SHOC1: variants seen among roughly 807,000 people sequenced by gnomAD.
The protein encoded by SHOC1 is protein shortage in chiasmata 1 ortholog.
A neutral mutation model predicts 179.2 loss-of-function variants in SHOC1; 136 were observed. The observed-to-expected ratio is 0.76, with a 90% confidence interval of 0.66 to 0.87. SHOC1 has a LOEUF of 0.87. Ranked by LOEUF, SHOC1 falls within the 40% of genes least tolerant of loss-of-function variation. SHOC1 has a pLI of 0.00. For synonymous variants in SHOC1, 489 were observed against 586.6 expected (o/e 0.83, Z 2.41); for missense variants, 1,538 against 1,700.8 (o/e 0.90, Z 1.68).
chr9:111,790,005 A>T (rs935969381), intron 2 of SHOC1, among the ~76,000 whole-genome samples: 1 of 152,170 alleles, frequency 6.6e-6, no homozygotes, highest in Non-Finnish European at 1.5e-5. Context: ...CAAAGAAAAA[A>T]ATTTAACTTG....
In SHOC1 at chr9:111,693,870, G is replaced by A. The variant is rs1422849366; in HGVS notation, c.3394C>T (p.His1132Tyr). The A allele has an allele frequency of 1.2e-6, 2 of 1,610,400 alleles. No individual in the cohort carries two copies. The change falls in exon 26 of 28, where the codon CAT becomes TAT. Residue 1132 changes from histidine (H) to tyrosine (Y), a missense_variant. His to Tyr is a moderately conservative substitution (Grantham distance 83). Coordinates refer to ENST00000682961, the MANE Select transcript of SHOC1 (RefSeq NM_001378211.1). ...QLMLNKGPSL[H>Y]WILLATLCQL... Reference sequence around the variant, plus strand: ...CACAGAGTTGCTAATAATATCCAATGCAGTGAAGGTCCTTTATTTAGCATG... The same window carrying A: ...CACAGAGTTGCTAATAATATCCAATACAGTGAAGGTCCTTTATTTAGCATG...
At chr9:111,779,366 G>T (rs966223407) in intron 4 of SHOC1, among the ~76,000 whole-genome samples, 10 of 152,124 alleles carry the variant, frequency 6.6e-5, no homozygotes, top group African/African-American at 2.2e-4. Flanking sequence ...CAGTCCAAAG[G>T]CCTACTTTGA....
intron 10 of SHOC1, among the ~76,000 whole-genome samples, chr9:111,744,211 T>C (rs1834161978): frequency 6.6e-6 from 1 of 152,162 alleles, no homozygotes; most frequent in Admixed American, 6.5e-5. Flanking sequence ...GTGTATGGAC[T>C]AAATAAAAGA....
intron 27 of SHOC1, among the ~76,000 whole-genome samples, chr9:111,688,487 T>C (rs917202889): frequency 2.6e-5 from 4 of 152,144 alleles, no homozygotes; most frequent in Admixed American, 1.3e-4. Flanking sequence ...CATTCACAGA[T>C]GAAAACAGTT....
intron 1 of SHOC1, among the ~76,000 whole-genome samples, chr9:111,794,284 A>T (rs1466833493): frequency 8.7e-6 from 1 of 114,488 alleles, no homozygotes; most frequent in East Asian, 2.4e-4. Context: ...CACTTAAAAA[A>T]AAAAAAATAA....
At chr9:111,781,804 G>C (rs1836068210) in intron 3 of SHOC1, among the ~76,000 whole-genome samples, 3 of 151,162 alleles carry the variant, frequency 2.0e-5, no homozygotes, top group Admixed American at 2.0e-4. Flanking sequence ...GTTCCTTAAG[G>C]AGAAAGACCA....
intron 17 of SHOC1, among the ~76,000 whole-genome samples, chr9:111,713,385 T>C (rs1388774897): frequency 6.6e-6 from 1 of 152,222 alleles, no homozygotes; most frequent in African/African-American, 2.4e-5. Context: ...TATTTTGGGA[T>C]AGGGCATTCT....
intron 1 of SHOC1, among the ~76,000 whole-genome samples, chr9:111,794,032 A>C (rs1836539225): frequency 6.6e-6 from 1 of 151,480 alleles, no homozygotes; most frequent in African/African-American, 2.4e-5. Flanking sequence ...TTGTATTTTT[A>C]ATAGAGACGG....
At chr9:111,720,847 A>T (rs1383935034) in intron 15 of SHOC1, among the ~76,000 whole-genome samples, 1 of 152,240 alleles carries the variant, frequency 6.6e-6, no homozygotes, top group African/African-American at 2.4e-5. Flanking sequence ...GAAAACAGTA[A>T]TAAGAAGTGT....
At chr9:111,775,195 A>G (rs1038175030) in intron 5 of SHOC1, among the ~76,000 whole-genome samples, 1 of 152,052 alleles carries the variant, frequency 6.6e-6, no homozygotes, top group African/African-American at 2.4e-5. Context: ...GGGTTTCACC[A>G]TGTTGGCCAA....
At chr9:111,717,050 T>G (rs929957798) in intron 16 of SHOC1, among the ~76,000 whole-genome samples, 2 of 152,210 alleles carry the variant, frequency 1.3e-5, no homozygotes, top group Admixed American at 1.3e-4. Flanking sequence ...TTATTACTCA[T>G]GATATTAAAA....
chr9:111,741,564 C>A lies in SHOC1; in HGVS notation c.1086G>T (p.Leu362Phe), dbSNP rs146323796. The A allele has an allele frequency of 6.9e-6, 11 of 1,584,224 alleles. No homozygotes were observed. The African/African-American group carries it at 1.1e-4, about 16-fold the overall frequency. Residue 362 changes from leucine to phenylalanine, a missense_variant, in exon 11 of 28, where the codon TTG (leucine) becomes TTT (phenylalanine). Transcript: ENST00000682961. ...CATTAGCTGATTCTTCAGCAGTAAG[C>A]AAATTACTGAAAAAAAGAGTTAAAG... is the stretch of plus-strand genomic sequence containing the variant. ...FPLSPVCKIN[L>F]LTAEESANEY...
intron 18 of SHOC1, 145 bp downstream of exon 18, chr9:111,712,955 T>C (rs1049787504): frequency 3.5e-5 from 20 of 569,260 alleles, no homozygotes; most frequent in Non-Finnish European, 6.2e-5. Flanking sequence ...TAAAAGCTGG[T>C]TAGATCCCAA....
chr9:111,707,752 T>C, intron 19 of SHOC1, 103 bp downstream of exon 19: 2 of 771,150 alleles, frequency 2.6e-6, no homozygotes, highest in South Asian at 3.3e-5. Flanking sequence ...CATTGCTTAA[T>C]TTCAGATTTT....
chr9:111,773,458 G>A (rs1374437112), intron 5 of SHOC1, among the ~76,000 whole-genome samples: 6 of 151,908 alleles, frequency 3.9e-5, no homozygotes, highest in Admixed American at 3.9e-4. Context: ...GATTACAGGT[G>A]CCTGCCACTA....
intron 8 of SHOC1, among the ~76,000 whole-genome samples, chr9:111,750,294 G>GT (rs201170254): frequency 0.026 from 3,889 of 150,836 alleles, 75 homozygotes; most frequent in Middle Eastern, 0.041. Context: ...GGATGTTAAG[G>GT]TTTTTTTTTC....
At position 111,738,377 on chromosome 9, in the gene SHOC1, T is replaced by C; in HGVS notation, c.1320A>G (p.Thr440=). The C allele has an allele frequency of 6.2e-7, 1 of 1,613,508 alleles. No individual in the cohort carries two copies. Among genetic ancestry groups the C allele is most frequent in the Non-Finnish European group, 8.5e-7 (1 of 1,179,800 alleles). Residue 440 remains threonine (T), a synonymous_variant, in exon 12 of 28, where the codon ACA becomes ACG. Coordinates refer to ENST00000682961, the MANE Select transcript of SHOC1 (RefSeq NM_001378211.1). Reference sequence around the variant, plus strand: ...ATAAATATGTATTCAGATGTTCCAATGTTTCCATCATTTTCAGATTTAGTC... The same window carrying C: ...ATAAATATGTATTCAGATGTTCCAACGTTTCCATCATTTTCAGATTTAGTC... ...QAGLNLKMME[T]LEHLNTYLCH...
intron 19 of SHOC1, among the ~76,000 whole-genome samples, chr9:111,707,020 G>A (rs890652544): frequency 2.6e-5 from 4 of 151,962 alleles, no homozygotes; most frequent in African/African-American, 9.7e-5. Context: ...TTTATTACCT[G>A]AGTACTATCA....
At chr9:111,717,924 A>G (rs1309207121) in intron 16 of SHOC1, among the ~76,000 whole-genome samples, 1 of 152,214 alleles carries the variant, frequency 6.6e-6, no homozygotes, top group East Asian at 1.9e-4. Flanking sequence ...TGATTATACA[A>G]TCAAATCTGC....
Sources: gnomAD v4.1 joint callset for allele counts (sites outside exome capture counted in the v4.1 genomes callset) on GRCh38, gnomAD v4.1.1 for gene constraint, MANE v1.5 for transcripts, NCBI Gene and HGNC (gene_info 2026-07-23, HGNC 2026-07-21) for gene names.